The following ACVR1 variants were observed in gnomAD, a reference collection of about 807,000 sequenced individuals.
ACVR1 encodes the protein activin receptor type-1.
In ACVR1, 38 loss-of-function variants were observed where a neutral mutation model predicts 57.1. The ratio of observed to expected loss-of-function variants is 0.67; its 90% CI spans 0.51 to 0.87. The LOEUF is 0.87. Ranked by LOEUF, ACVR1 falls within the 40% of genes least tolerant of loss-of-function variation. The probability of loss-of-function intolerance (pLI) is 0.00; values close to 1 mark genes in which losing one functional copy is unlikely to be tolerated. For synonymous variants in ACVR1, 212 were observed against 228.1 expected (o/e 0.93, Z 0.63); for missense variants, 463 against 638.2 (o/e 0.73, Z 2.96).
rs1686856082 is a variant in ACVR1 at position 157,790,127 on chromosome 2, C to T, written c.67+9300G>A. ...CAGACCATTAAAATCTGCTCAGCAC[C>T]TCACCTGTCTACTAAGTAAGTCCAC... is the stretch of plus-strand genomic sequence containing the variant. On this transcript the variant is annotated intron_variant, in intron 3 of 10. Transcript: ENST00000434821. 2.0e-5 allele frequency: 3 copies of T among 152,204 alleles called. No homozygotes were observed. In the South Asian group the frequency reaches 6.2e-4, roughly 32 times the overall value. The allele number at this position is 152,204 out of a possible 1,614,324, so 9.4% of individuals were successfully genotyped here.
rs370894895 is a variant in ACVR1, at chr2:157,771,315, A to G, written c.644-801T>C. Among the ~76,000 whole-genome samples the G allele has an allele frequency of 7.9e-5, 12 of 152,202 alleles. 1 individual carries two copies. The highest frequency in any genetic ancestry group is 7.2e-4 in the Admixed American group (11 of 15,284). ...AGAATACATTTTGGAAAACGTGGCA[A>G]CTCTACTTGTGATCTAATCTGTTTG... On this transcript the variant is annotated intron_variant, in intron 6 of 10. Coordinates refer to ENST00000434821, the MANE Select transcript of ACVR1 (RefSeq NM_001111067.4).
intron 9 of ACVR1, among the ~76,000 whole-genome samples, chr2:157,739,077 A>G (rs1365674625): frequency 6.6e-6 from 1 of 152,236 alleles, no homozygotes; most frequent in Non-Finnish European, 1.5e-5. Flanking sequence ...TTTTGTTAAG[A>G]AAAACATTGC....
At chr2:157,843,941 A>G (rs1689051332) in intron 1 of ACVR1, among the ~76,000 whole-genome samples, 1 of 152,220 alleles carries the variant, frequency 6.6e-6, no homozygotes, top group African/African-American at 2.4e-5. Flanking sequence ...TCAAAGACGA[A>G]AAAGAAAAAA....
chr2:157,876,031 G>T lies in ACVR1; in HGVS notation c.-418C>A, dbSNP rs939678106. Among the ~76,000 whole-genome samples, 561 of 149,168 alleles carry T rather than the reference G, an allele frequency of 3.8e-3. 2 individuals are homozygous for T. Among genetic ancestry groups the T allele is most frequent in the African/African-American group, 0.013 (526 of 40,916 alleles). On this transcript the variant is annotated 5_prime_UTR_variant, in exon 1 of 11. Transcript: ENST00000434821. ...GGGGCCGGGAGCTTCCCGGCCCTGG[G>T]GCCGGCGCGGCTGGCCGAGGAGCAG... is the stretch of plus-strand genomic sequence containing the variant.
intron 1 of ACVR1, among the ~76,000 whole-genome samples, chr2:157,848,597 T>G (rs1689198800): frequency 6.6e-6 from 1 of 152,166 alleles, no homozygotes; most frequent in African/African-American, 2.4e-5. Flanking sequence ...CACAATAAAA[T>G]GGTTGTCGTT....
chr2:157,808,708 A>T (rs1017173462), intron 2 of ACVR1, among the ~76,000 whole-genome samples: 1 of 152,102 alleles, frequency 6.6e-6, no homozygotes. Flanking sequence ...TCAGAAATTG[A>T]CATATTATCT....
At chr2:157,791,196 G>A (rs950392497) in intron 3 of ACVR1, among the ~76,000 whole-genome samples, 2 of 152,294 alleles carry the variant, frequency 1.3e-5, no homozygotes, top group African/African-American at 4.8e-5. Flanking sequence ...ACTTCTTGAA[G>A]CAGGAACCAC....
chr2:157,743,744 G>T (rs1684863700), intron 9 of ACVR1, among the ~76,000 whole-genome samples: 1 of 151,110 alleles, frequency 6.6e-6, no homozygotes, highest in South Asian at 2.1e-4. Context: ...GTCCATTCAG[G>T]TCATGTTTGA....
At chr2:157,848,799 T>C (rs936627567) in intron 1 of ACVR1, among the ~76,000 whole-genome samples, 9 of 152,146 alleles carry the variant, frequency 5.9e-5, no homozygotes, top group African/African-American at 2.2e-4. Flanking sequence ...GAGCAGTTGA[T>C]GGTTGAAAGT....
intron 1 of ACVR1, among the ~76,000 whole-genome samples, chr2:157,865,690 G>A (rs534239338): frequency 2.2e-3 from 327 of 151,826 alleles, no homozygotes; most frequent in African/African-American, 7.4e-3. Flanking sequence ...TACTCGGGAG[G>A]CTGAGGCAGG....
At position 157,738,461 on chromosome 2, in the gene ACVR1, G is replaced by T. The variant is rs1196292278; in HGVS notation, c.1374C>A (p.Pro458=). ...VCVDQQRPNI[P]NRWFSDPTLT... ...TTACCGGGTCTGAGAACCATCTGTT[G>T]GGTATGTTTGGCCTTTGTTGATCCA... Residue 458 remains proline (P), a synonymous_variant, in exon 10 of 11, where the codon CCC becomes CCA. Transcript: ENST00000434821. The T allele has an allele frequency of 6.2e-7, 1 of 1,613,950 alleles. No individual in the cohort carries two copies. Among genetic ancestry groups the T allele is most frequent in the Admixed American group, 1.7e-5 (1 of 60,012 alleles).
intron 1 of ACVR1, among the ~76,000 whole-genome samples, chr2:157,859,356 C>T (rs929996616): frequency 2.0e-5 from 3 of 152,288 alleles, no homozygotes; most frequent in Admixed American, 2.0e-4. Flanking sequence ...AAAGGGGAGA[C>T]ATCAATAATC....
In ACVR1 at chr2:157,737,423, G is replaced by A; in HGVS notation, c.*108C>T. 1 of 1,437,688 alleles carries A rather than the reference G, an allele frequency of 7.0e-7. No homozygotes were observed. The highest frequency in any genetic ancestry group is 9.6e-7 in the Non-Finnish European group (1 of 1,045,150). 89.1% of individuals were successfully genotyped at this position (1,437,688 alleles called of 1,614,324 possible). ...TCTGCCTTGTCAAAGCAGCCATTTGGGGAGGGAGACAGATGGATTCCATTC... is the reference window on the plus strand; with the variant it reads ...TCTGCCTTGTCAAAGCAGCCATTTGAGGAGGGAGACAGATGGATTCCATTC... On this transcript the variant is annotated 3_prime_UTR_variant, in exon 11 of 11. Coordinates refer to ENST00000434821, the MANE Select transcript of ACVR1 (RefSeq NM_001111067.4).
chr2:157,859,289 G>A (rs1173599505), intron 1 of ACVR1, among the ~76,000 whole-genome samples: 3 of 152,096 alleles, frequency 2.0e-5, no homozygotes, highest in African/African-American at 7.2e-5. Context: ...TCCCACCAGC[G>A]CCATGACAGT....
chr2:157,765,254 G>A (rs1685817084), intron 8 of ACVR1, among the ~76,000 whole-genome samples: 1 of 152,208 alleles, frequency 6.6e-6, no homozygotes, highest in South Asian at 2.1e-4. Context: ...GAGTGAATCA[G>A]TTCGGGGATT....
At chr2:157,835,970 A>T (rs546306395) in intron 1 of ACVR1, among the ~76,000 whole-genome samples, 16 of 152,346 alleles carry the variant, frequency 1.1e-4, no homozygotes, top group Non-Finnish European at 2.4e-4. Flanking sequence ...AATACCATGG[A>T]GCCTTTCAAC....
At chr2:157,851,544 G>A (rs1689301199) in intron 1 of ACVR1, among the ~76,000 whole-genome samples, 1 of 152,032 alleles carries the variant, frequency 6.6e-6, no homozygotes, top group Non-Finnish European at 1.5e-5. Flanking sequence ...GAATATGACA[G>A]CTCTAATCAC....
intron 1 of ACVR1, among the ~76,000 whole-genome samples, chr2:157,831,685 G>A (rs1404264805): frequency 1.3e-5 from 2 of 152,178 alleles, no homozygotes; most frequent in East Asian, 3.8e-4. Context: ...TCTACTCTGT[G>A]CCCACTGCAG....
chr2:157,736,992 A>C lies in ACVR1; in HGVS notation c.*539T>G. 3.5e-6 allele frequency: 1 copy of C among 286,196 alleles called. No homozygotes were observed. The allele number at this position is 286,196 out of a possible 1,614,324, so 17.7% of individuals were successfully genotyped here. ...TCTGACATTACATTTTGTTTTGCCA[A>C]ATTGAATTCCTATTATCCAAAGACA... On this transcript the variant is annotated 3_prime_UTR_variant, in exon 11 of 11. Coordinates refer to ENST00000434821, the MANE Select transcript of ACVR1 (RefSeq NM_001111067.4).
Sources: allele counts gnomAD v4.1 joint callset (sites outside exome capture counted in the v4.1 genomes callset), GRCh38; gene constraint gnomAD v4.1.1; transcripts MANE v1.5; gene names NCBI Gene and HGNC (gene_info 2026-07-23, HGNC 2026-07-21).